ADAMTSL3: variants seen among roughly 807,000 people sequenced by gnomAD.
The protein encoded by ADAMTSL3 is ADAMTS like 3, also known as ADAMTS-like protein 3.
ADAMTSL3 carries 128 observed loss-of-function variants against 201.7 expected under a neutral mutation model. The ratio of observed to expected loss-of-function variants is 0.63; its 90% CI spans 0.55 to 0.73. The LOEUF is 0.73. Among genes scored for constraint, ADAMTSL3 ranks in the 30% least tolerant of loss-of-function variants. The pLI, the probability that ADAMTSL3 is intolerant of heterozygous loss-of-function variation, is 0.00. For missense variants in ADAMTSL3, 1,990 were observed against 2,119.6 expected (o/e 0.94, Z 1.20); for synonymous variants, 738 against 748.4 (o/e 0.99, Z 0.23).
intron 4 of ADAMTSL3, among the ~76,000 whole-genome samples, chr15:83,785,003 C>A (rs554973849): frequency 1.2e-4 from 18 of 152,104 alleles, no homozygotes; most frequent in Non-Finnish European, 1.8e-4. Flanking sequence ...TATTTCAATG[C>A]TGATTGTCAA....
chr15:84,033,132 C>A (rs900272374), intron 28 of ADAMTSL3, among the ~76,000 whole-genome samples: 11 of 151,940 alleles, frequency 7.2e-5, no homozygotes, highest in African/African-American at 2.7e-4. Context: ...TTACCCTTGG[C>A]CAAACCACCA....
At chr15:83,908,245 C>G (rs1343061183) in intron 15 of ADAMTSL3, among the ~76,000 whole-genome samples, 4 of 152,142 alleles carry the variant, frequency 2.6e-5, no homozygotes, top group Non-Finnish European at 4.4e-5. Flanking sequence ...GTTGTATACC[C>G]TTTGGTTACT....
At chr15:84,011,139 T>C (rs1056651692) in intron 23 of ADAMTSL3, among the ~76,000 whole-genome samples, 1 of 152,210 alleles carries the variant, frequency 6.6e-6, no homozygotes, top group Non-Finnish European at 1.5e-5. Flanking sequence ...ATAATGGCAA[T>C]AGTTGTATTG....
intron 2 of ADAMTSL3, among the ~76,000 whole-genome samples, chr15:83,695,165 T>C (rs559824638): frequency 1.1e-3 from 153 of 138,648 alleles, no homozygotes; most frequent in Non-Finnish European, 2.2e-3. Flanking sequence ...TGTGTGTATG[T>C]ATGTAGCATG....
intron 3 of ADAMTSL3, among the ~76,000 whole-genome samples, chr15:83,730,870 C>T (rs1009569693): frequency 2.0e-5 from 3 of 151,960 alleles, no homozygotes; most frequent in Non-Finnish European, 4.4e-5. Flanking sequence ...AAAGCTTTCC[C>T]ATCTGTTTTC....
chr15:83,880,842 C>T (rs2065255472), intron 9 of ADAMTSL3, among the ~76,000 whole-genome samples: 1 of 152,160 alleles, frequency 6.6e-6, no homozygotes, highest in South Asian at 2.1e-4. Context: ...TAATGGTGTA[C>T]TTAAGTTTTT....
intron 23 of ADAMTSL3, among the ~76,000 whole-genome samples, chr15:84,000,755 C>T (rs2067776852): frequency 6.6e-6 from 1 of 152,132 alleles, no homozygotes; most frequent in South Asian, 2.1e-4. Flanking sequence ...GCATTTTAAT[C>T]AAAGCAGCAT....
chr15:84,036,340 T>A (rs906760956), intron 28 of ADAMTSL3, among the ~76,000 whole-genome samples: 1 of 152,218 alleles, frequency 6.6e-6, no homozygotes, highest in Non-Finnish European at 1.5e-5. Flanking sequence ...ACATAGAAAG[T>A]CATACACCGC....
At chr15:83,691,973 C>G (rs1455326368) in intron 2 of ADAMTSL3, among the ~76,000 whole-genome samples, 1 of 152,040 alleles carries the variant, frequency 6.6e-6, no homozygotes, top group Non-Finnish European at 1.5e-5. Context: ...TTTAAGCAAC[C>G]AAAAGAAAAG....
intron 3 of ADAMTSL3, among the ~76,000 whole-genome samples, chr15:83,759,071 C>G (rs2062766372): frequency 6.6e-6 from 1 of 152,094 alleles, no homozygotes; most frequent in Non-Finnish European, 1.5e-5. Flanking sequence ...GCTTTCACTG[C>G]TCGAACATCT....
At chr15:84,037,502 G>A (rs566020809) in intron 29 of ADAMTSL3, among the ~76,000 whole-genome samples, 198 bp from the exon 30 acceptor site, 52 of 152,330 alleles carry the variant, frequency 3.4e-4, no homozygotes, top group Admixed American at 1.8e-3. Context: ...GGTCCAGAGA[G>A]CAGCAAGAGG....
At chr15:83,981,412 G>A (rs2067382824) in intron 20 of ADAMTSL3, among the ~76,000 whole-genome samples, 1 of 152,234 alleles carries the variant, frequency 6.6e-6, no homozygotes, top group Non-Finnish European at 1.5e-5. Context: ...CACCAGATCA[G>A]TGGTGGCAGC....
At chr15:83,945,840 A>G (rs1310996694) in intron 19 of ADAMTSL3, 1 of 152,188 alleles carries the variant, frequency 6.6e-6, no homozygotes, top group Non-Finnish European at 1.5e-5. Flanking sequence ...GCATTTCAAC[A>G]AGATCCCTGG....
intron 27 of ADAMTSL3, among the ~76,000 whole-genome samples, chr15:84,029,291 G>A (rs945381199): frequency 2.3e-4 from 35 of 152,118 alleles, no homozygotes; most frequent in Non-Finnish European, 3.2e-4. Context: ...ATAGTGGTGT[G>A]GACAATAAAG....
At chr15:83,847,797 G>A (rs1009706124) in intron 7 of ADAMTSL3, among the ~76,000 whole-genome samples, 2 of 151,858 alleles carry the variant, frequency 1.3e-5, no homozygotes, top group African/African-American at 2.4e-5. Context: ...GCCCTGCCTC[G>A]GTAACTCTTT....
At chr15:83,787,112 T>C (rs1353035577) in intron 4 of ADAMTSL3, among the ~76,000 whole-genome samples, 1 of 152,218 alleles carries the variant, frequency 6.6e-6, no homozygotes, top group African/African-American at 2.4e-5. Context: ...AAATGCCTTT[T>C]GAGTCCTCAT....
chr15:83,686,600 A>G (rs1379035531), intron 2 of ADAMTSL3, among the ~76,000 whole-genome samples: 3 of 152,102 alleles, frequency 2.0e-5, no homozygotes. Context: ...CAGAGCTAAT[A>G]ATTGATGTGT....
chr15:83,661,496 A>C (rs1415040900), intron 2 of ADAMTSL3, among the ~76,000 whole-genome samples: 4 of 152,176 alleles, frequency 2.6e-5, no homozygotes, highest in East Asian at 3.9e-4. Flanking sequence ...GAGGTCCTTC[A>C]CATCCCTTGT....
chr15:83,950,271 C>T, intron 19 of ADAMTSL3, among the ~76,000 whole-genome samples: 1 of 151,954 alleles, frequency 6.6e-6, no homozygotes, highest in Non-Finnish European at 1.5e-5. Flanking sequence ...TTGTCCTTTC[C>T]CCAATGTATG....
Sources: allele counts gnomAD v4.1 joint callset (sites outside exome capture counted in the v4.1 genomes callset), GRCh38; gene constraint gnomAD v4.1.1; transcripts MANE v1.5; gene names NCBI Gene and HGNC (gene_info 2026-07-23, HGNC 2026-07-21).